The following ALG8 variants were observed in gnomAD, a reference collection of about 807,000 sequenced individuals.
ALG8 encodes the protein dolichyl pyrophosphate Glc1Man9GlcNAc2 alpha-1,3-glucosyltransferase.
A neutral mutation model predicts 70.2 loss-of-function variants in ALG8; 48 were observed. The ratio of observed to expected loss-of-function variants is 0.68; its 90% CI spans 0.54 to 0.87. The LOEUF (loss-of-function observed/expected upper bound fraction) is 0.87, where lower values mean the gene tolerates loss of function less well. ALG8 is among the 40% of genes least tolerant of loss of function. The probability of loss-of-function intolerance (pLI) is 0.00; values close to 1 mark genes in which losing one functional copy is unlikely to be tolerated. For missense variants in ALG8, 572 were observed against 608.7 expected, an observed-to-expected ratio of 0.94 and a Z score of 0.64; for synonymous variants, 234 against 229.0, an observed-to-expected ratio of 1.02 and a Z score of -0.20.
chr11:78,131,821 T>C (rs904364936), intron 1 of ALG8, among the ~76,000 whole-genome samples: 1 of 152,204 alleles, frequency 6.6e-6, no homozygotes, highest in African/African-American at 2.4e-5. Context: ...TGTCCTATGA[T>C]AGCTTCTTAA....
intron 6 of ALG8, 121 bp from the exon 7 acceptor site, chr11:78,114,110 C>T: frequency 7.3e-7 from 1 of 1,372,510 alleles, no homozygotes; most frequent in Admixed American, 2.0e-5. Context: ...CATGATGTGG[C>T]AAGAGCAGAG....
At chr11:78,134,403 G>C (rs971561417) in intron 1 of ALG8, among the ~76,000 whole-genome samples, 1 of 152,162 alleles carries the variant, frequency 6.6e-6, no homozygotes, top group Admixed American at 6.6e-5. Context: ...CTCCCAAAAC[G>C]CTGGGATTAC....
At chr11:78,123,550 CAG>C (rs1860926237) in intron 3 of ALG8, among the ~76,000 whole-genome samples, 1 of 152,122 alleles carries the variant, frequency 6.6e-6, no homozygotes, top group Non-Finnish European at 1.5e-5. Flanking sequence ...TAAAAGCACT[CAG>C]TGAAATTTCT....
intron 1 of ALG8, among the ~76,000 whole-genome samples, chr11:78,130,348 CAAA>C (rs1174378754): frequency 2.0e-5 from 1 of 49,178 alleles, no homozygotes; most frequent in Non-Finnish European, 3.2e-5. Flanking sequence ...GACCCGGTCT[CAAA>C]AAAAAAAAAA....
chr11:78,120,498 T>C (rs1860772239), intron 4 of ALG8, among the ~76,000 whole-genome samples: 1 of 152,228 alleles, frequency 6.6e-6, no homozygotes, highest in South Asian at 2.1e-4. Flanking sequence ...GTTCTAAAGC[T>C]GCTAATGGCA....
intron 1 of ALG8, among the ~76,000 whole-genome samples, chr11:78,128,776 A>C (rs1377430379): frequency 6.6e-6 from 1 of 151,282 alleles, no homozygotes; most frequent in Admixed American, 6.6e-5. Context: ...ACGCCTGGCT[A>C]ATTTTTTTTT....
At chr11:78,109,003 T>G (rs542119974) in intron 9 of ALG8, among the ~76,000 whole-genome samples, 1 of 152,224 alleles carries the variant, frequency 6.6e-6, no homozygotes, top group Non-Finnish European at 1.5e-5. Context: ...CAAAAAGCCT[T>G]TGTCGACTCT....
chr11:78,108,268 G>A (rs1860133848), intron 9 of ALG8, among the ~76,000 whole-genome samples: 1 of 151,724 alleles, frequency 6.6e-6, no homozygotes. Context: ...AACAGAACAA[G>A]ACTCCCGTCT....
intron 12 of ALG8, among the ~76,000 whole-genome samples, chr11:78,101,962 C>G (rs1028333636): frequency 5.9e-5 from 9 of 152,328 alleles, no homozygotes; most frequent in East Asian, 3.9e-4. Context: ...TTGCCTCAGC[C>G]TCCCAAGTAG....
In ALG8 at chr11:78,114,793, C is replaced by T. The variant is rs563905091; in HGVS notation, c.547-401G>A. Reference sequence around the variant, plus strand: ...CCAGCCTGGACAAAATAGGGAGGCCCTGTCTCTACAAAAAAATAAAAAATA... The same window carrying T: ...CCAGCCTGGACAAAATAGGGAGGCCTTGTCTCTACAAAAAAATAAAAAATA... On this transcript the variant is annotated intron_variant, in intron 5 of 12. Transcript: ENST00000299626. 8.0e-5 allele frequency: 31 copies of T among 387,494 alleles called. No individual in the cohort carries two copies. In the East Asian group the frequency reaches 2.3e-3, roughly 29 times the overall value. The allele number at this position is 387,494 out of a possible 1,614,324, so 24.0% of individuals were successfully genotyped here. A position where few individuals can be genotyped will look rare whatever the true frequency, so the allele number is the denominator to read the frequency against.
chr11:78,135,840 T>C (rs547846), intron 1 of ALG8, among the ~76,000 whole-genome samples: 22,926 of 145,556 alleles, frequency 0.16, 1,894 homozygotes, highest in East Asian at 0.28. Context: ...AGAGTGAAAC[T>C]CCGTCTCAAA....
At chr11:78,119,136 A>C in intron 5 of ALG8, 46 bp downstream of exon 5, 1 of 1,477,366 alleles carries the variant, frequency 6.8e-7, no homozygotes, top group Non-Finnish European at 9.4e-7. Context: ...TACAATCTAA[A>C]AACTAATCTA....
At chr11:78,132,829 TTCC>T (rs1861361422) in intron 1 of ALG8, among the ~76,000 whole-genome samples, 1 of 115,624 alleles carries the variant, frequency 8.6e-6, no homozygotes, top group African/African-American at 3.8e-5. Context: ...GTTCTTCTTC[TTCC>T]ATTTTTTTTT....
chr11:78,103,801 C>T (rs1012593768), intron 12 of ALG8, among the ~76,000 whole-genome samples, 179 bp downstream of exon 12: 3 of 152,146 alleles, frequency 2.0e-5, no homozygotes, highest in Non-Finnish European at 2.9e-5. Context: ...AAGACACAAA[C>T]TATGTTGTCT....
intron 8 of ALG8, 47 bp from the exon 9 acceptor site, chr11:78,109,628 G>A (rs763459268): frequency 2.0e-6 from 3 of 1,512,706 alleles, no homozygotes; most frequent in South Asian, 2.3e-5. Context: ...CTTTATTACT[G>A]AGATACCATA....
chr11:78,115,904 G>A (rs1202837627), intron 5 of ALG8, among the ~76,000 whole-genome samples: 1 of 152,198 alleles, frequency 6.6e-6, no homozygotes, highest in Non-Finnish European at 1.5e-5. Context: ...GGCTGGGAAT[G>A]AGAACATGAA....
At chr11:78,101,912 G>C (rs1261630688) in intron 12 of ALG8, among the ~76,000 whole-genome samples, 1 of 152,196 alleles carries the variant, frequency 6.6e-6, no homozygotes, top group Non-Finnish European at 1.5e-5. Flanking sequence ...TGCAATCTCA[G>C]CTTACTGCAA....
chr11:78,124,194 C>T lies in ALG8; in HGVS notation c.195G>A (p.Leu65=). The T allele has an allele frequency of 6.2e-7, 1 of 1,614,096 alleles. No individual in the cohort carries two copies. Among genetic ancestry groups the T allele is most frequent in the Non-Finnish European group, 8.5e-7 (1 of 1,180,010 alleles). ...WYYEATSEWT[L]DYPPFFAWFE... ...ACCATGCAAAGAAAGGGGGGTAATC[C>T]AACGTCCACTCTGAAGTTGCCTGTG... Residue 65 remains leucine (L), a synonymous_variant, in exon 3 of 13, where the codon TTG becomes TTA. Transcript: ENST00000299626.
intron 1 of ALG8, chr11:78,139,182 C>G: frequency 2.4e-6 from 1 of 420,864 alleles, no homozygotes; most frequent in Non-Finnish European, 4.4e-6. Context: ...CCTGGCACCT[C>G]AGGCATCTGA....
Sources: gnomAD v4.1 joint callset for allele counts (sites outside exome capture counted in the v4.1 genomes callset) on GRCh38, gnomAD v4.1.1 for gene constraint, MANE v1.5 for transcripts, NCBI Gene and HGNC (gene_info 2026-07-23, HGNC 2026-07-21) for gene names.